Variants in RIMS1 observed in about 807,000 individuals in gnomAD.
RIMS1 encodes the protein regulating synaptic membrane exocytosis 1.
RIMS1 carries 83 observed loss-of-function variants against 214.1 expected under a neutral mutation model. That is an observed-to-expected ratio of 0.39 (90% CI 0.32 to 0.47). The LOEUF (loss-of-function observed/expected upper bound fraction) is 0.47, where lower values mean the gene tolerates loss of function less well. Among genes scored for constraint, RIMS1 ranks in the 20% least tolerant of loss-of-function variants. RIMS1 has a pLI of 0.99. For synonymous variants in RIMS1, 793 were observed against 786.8 expected, an observed-to-expected ratio of 1.01 and a Z score of -0.13; for missense variants, 2,050 against 2,161.8, an observed-to-expected ratio of 0.95 and a Z score of 1.03.
intron 2 of RIMS1, among the ~76,000 whole-genome samples, chr6:72,079,935 T>G (rs1832884006): frequency 1.4e-5 from 2 of 146,304 alleles, no homozygotes; most frequent in African/African-American, 2.5e-5. Context: ...CTGACAATCG[T>G]TTTTTTAAAA....
intron 29 of RIMS1, among the ~76,000 whole-genome samples, chr6:72,360,048 A>AT (rs2097769635): frequency 6.6e-6 from 1 of 152,136 alleles, no homozygotes; most frequent in Non-Finnish European, 1.5e-5. Flanking sequence ...CCTTAATTGG[A>AT]GTGATTGGGC....
intron 19 of RIMS1, chr6:72,263,778 A>C: frequency 1.3e-6 from 1 of 798,880 alleles, no homozygotes. Flanking sequence ...AGTGTGGCCA[A>C]CATGGTGAAA....
intron 1 of RIMS1, among the ~76,000 whole-genome samples, chr6:71,931,557 G>A (rs1202666486): frequency 1.3e-5 from 2 of 151,836 alleles, no homozygotes; most frequent in Admixed American, 6.6e-5. Flanking sequence ...TTTGAAAAGT[G>A]TCTGTTCGTG....
chr6:72,212,718 G>C (rs769299260), intron 6 of RIMS1: 116 of 693,228 alleles, frequency 1.7e-4, no homozygotes, highest in Non-Finnish European at 2.0e-4. Flanking sequence ...AGAAGGAATG[G>C]CTAGGAGCAT....
intron 27 of RIMS1, among the ~76,000 whole-genome samples, chr6:72,307,647 T>A (rs1401378274): frequency 6.6e-6 from 1 of 152,040 alleles, no homozygotes; most frequent in Non-Finnish European, 1.5e-5. Context: ...CTTGGGAGGC[T>A]GAGGTAGGAG....
At chr6:72,163,491 G>A (rs2045779603) in intron 4 of RIMS1, among the ~76,000 whole-genome samples, 1 of 140,722 alleles carries the variant, frequency 7.1e-6, no homozygotes, top group African/African-American at 2.5e-5. Context: ...TTTCTGCTCT[G>A]GTTTTTCCCC....
intron 28 of RIMS1, among the ~76,000 whole-genome samples, chr6:72,331,510 T>C (rs929910682): frequency 4.0e-5 from 6 of 151,804 alleles, no homozygotes; most frequent in Non-Finnish European, 8.8e-5. Flanking sequence ...TTTCTGTAGA[T>C]TCTCCAGCAG....
intron 13 of RIMS1, 29 bp downstream of exon 13, chr6:72,250,489 C>T (rs973238559): frequency 7.0e-7 from 1 of 1,428,824 alleles, no homozygotes; most frequent in African/African-American, 1.4e-5. Flanking sequence ...AAAAAAAAAT[C>T]TTAAAATCTG....
At chr6:71,947,564 A>C (rs956729469) in intron 1 of RIMS1, among the ~76,000 whole-genome samples, 2 of 152,098 alleles carry the variant, frequency 1.3e-5, no homozygotes, top group Non-Finnish European at 2.9e-5. Flanking sequence ...GATTGGGGAG[A>C]TGTTGGTCAA....
intron 1 of RIMS1, among the ~76,000 whole-genome samples, chr6:71,896,503 C>T (rs1453641896): frequency 1.3e-5 from 2 of 152,088 alleles, no homozygotes; most frequent in Non-Finnish European, 2.9e-5. Flanking sequence ...TAGTCCCTGA[C>T]TTCCATAAAT....
At chr6:72,170,471 G>A (rs1448421313) in intron 4 of RIMS1, among the ~76,000 whole-genome samples, 3 of 152,106 alleles carry the variant, frequency 2.0e-5, no homozygotes, top group African/African-American at 7.2e-5. Flanking sequence ...AGCCTCCTGA[G>A]TAGCTGGGAT....
At chr6:72,132,281 TA>T (rs2040571830) in intron 4 of RIMS1, among the ~76,000 whole-genome samples, 1 of 152,166 alleles carries the variant, frequency 6.6e-6, no homozygotes. Context: ...AAGACAGGCA[TA>T]AGAAATTATA....
chr6:72,222,848 AGTT>A (rs1257870708), intron 6 of RIMS1, among the ~76,000 whole-genome samples: 1 of 152,182 alleles, frequency 6.6e-6, no homozygotes, highest in African/African-American at 2.4e-5. Context: ...CCTTTAATCC[AGTT>A]GTTTTCATAT....
chr6:72,339,032 C>T (rs1156274954), intron 29 of RIMS1, among the ~76,000 whole-genome samples: 2 of 151,816 alleles, frequency 1.3e-5, no homozygotes. Context: ...TGTTCCTGCT[C>T]TCAAGGATAT....
At chr6:71,958,247 C>A (rs1000274092) in intron 1 of RIMS1, among the ~76,000 whole-genome samples, 1 of 152,076 alleles carries the variant, frequency 6.6e-6, no homozygotes, top group Non-Finnish European at 1.5e-5. Context: ...TTGATTACAT[C>A]CAATCACTAT....
chr6:72,031,863 AG>A (rs1219673755), intron 2 of RIMS1, among the ~76,000 whole-genome samples: 1 of 152,220 alleles, frequency 6.6e-6, no homozygotes, highest in African/African-American at 2.4e-5. Flanking sequence ...GAGAAAAAGC[AG>A]ATTAGAAGAG....
At chr6:72,042,041 C>T (rs575244339) in intron 2 of RIMS1, among the ~76,000 whole-genome samples, 266 of 152,012 alleles carry the variant, frequency 1.7e-3, no homozygotes, top group Middle Eastern at 0.01. Flanking sequence ...AAGCCCAAGT[C>T]TTGCTTTATA....
chr6:72,383,215 T>TA (rs2098523337), intron 29 of RIMS1, among the ~76,000 whole-genome samples: 1 of 152,146 alleles, frequency 6.6e-6, no homozygotes, highest in African/African-American at 2.4e-5. Flanking sequence ...TAAATACATA[T>TA]AAAATAAACC....
chr6:72,059,729 A>G (rs1031742535), intron 2 of RIMS1, among the ~76,000 whole-genome samples: 14 of 152,226 alleles, frequency 9.2e-5, no homozygotes, highest in Non-Finnish European at 5.9e-5. Context: ...TTAAAAACTG[A>G]CAGCCCGTGA....
Sources: gnomAD v4.1 joint callset for allele counts (sites outside exome capture counted in the v4.1 genomes callset) on GRCh38, gnomAD v4.1.1 for gene constraint, MANE v1.5 for transcripts, NCBI Gene and HGNC (gene_info 2026-07-23, HGNC 2026-07-21) for gene names.